Variants in NFKB1 observed in about 807,000 individuals in gnomAD.
NFKB1 encodes nuclear factor kappa B subunit 1.
A neutral mutation model predicts 105.1 loss-of-function variants in NFKB1; 9 were observed. The observed-to-expected ratio is 0.09, with a 90% CI of 0.05 to 0.15. The LOEUF (loss-of-function observed/expected upper bound fraction) is 0.15. Among genes scored for constraint, NFKB1 ranks in the 10% least tolerant of loss-of-function variants. The pLI is 1.00. For missense variants in NFKB1, 830 were observed against 1,203.7 expected (o/e 0.69, Z 4.59); for synonymous variants, 440 against 442.2 (o/e 1.00, Z 0.06).
At chr4:102,513,899 C>T (rs922398117) in intron 1 of NFKB1, among the ~76,000 whole-genome samples, 4 of 152,092 alleles carry the variant, frequency 2.6e-5, no homozygotes, top group East Asian at 1.9e-4. Flanking sequence ...CTGGGCCGGG[C>T]GCGGTGGCTC....
At chr4:102,512,336 GTTGTT>G (rs927898889) in intron 1 of NFKB1, among the ~76,000 whole-genome samples, 5 of 152,188 alleles carry the variant, frequency 3.3e-5, no homozygotes, top group Middle Eastern at 3.4e-3. Flanking sequence ...CTGTATGTGT[GTTGTT>G]TTGTTTTGTT....
At chr4:102,542,005 G>C (rs1742027259) in intron 5 of NFKB1, among the ~76,000 whole-genome samples, 1 of 152,054 alleles carries the variant, frequency 6.6e-6, no homozygotes, top group South Asian at 2.1e-4. Flanking sequence ...AAAGATTTGG[G>C]GCCTGGCTGT....
intron 10 of NFKB1, among the ~76,000 whole-genome samples, chr4:102,583,789 T>TG (rs759455206): frequency 0.41 from 62,956 of 152,038 alleles, 13,225 homozygotes; most frequent in Admixed American, 0.48. Context: ...TATTCTCCTA[T>TG]TTACAAGTAA....
intron 9 of NFKB1, 22 bp from the exon 10 acceptor site, chr4:102,582,844 A>G (rs1470102784): frequency 2.0e-6 from 3 of 1,515,738 alleles, no homozygotes; most frequent in Non-Finnish European, 2.7e-6. Context: ...GAAATTACAC[A>G]CTTCAATGTG....
At chr4:102,593,625 CTTTTCTTTGG>C in intron 12 of NFKB1, 57 bp downstream of exon 12, 1 of 1,533,022 alleles carries the variant, frequency 6.5e-7, no homozygotes, top group Non-Finnish European at 8.8e-7. Context: ...GTAGAATTTT[CTTTTCTTTGG>C]TTTCTGAGCA....
rs1728298870 is a variant in NFKB1, at chr4:102,610,518, C to CA, written c.2228-56dup. On this transcript the variant is annotated intron_variant, in intron 19 of 23. Transcript: ENST00000226574. ...CCTTTGGGAATCTGACCTTTGCAGG[C>CA]AGTTGGAAGTTGACAAGATCTGGGT... 10 of 1,576,898 alleles carry CA rather than the reference C, an allele frequency of 6.3e-6. No individual in the cohort carries two copies. The Admixed American group carries it at 1.5e-4, about 24-fold the overall frequency.
intron 11 of NFKB1, among the ~76,000 whole-genome samples, chr4:102,586,795 G>C (rs1725745490): frequency 6.6e-6 from 1 of 152,214 alleles, no homozygotes; most frequent in Non-Finnish European, 1.5e-5. Context: ...GGGGCACCCA[G>C]ATCCTTGCTG....
intron 5 of NFKB1, among the ~76,000 whole-genome samples, chr4:102,550,753 A>T (rs1157695509): frequency 6.6e-6 from 1 of 152,204 alleles, no homozygotes; most frequent in Non-Finnish European, 1.5e-5. Context: ...ATTCAGTCAG[A>T]GTAATGTGTA....
chr4:102,591,663 GA>G (rs922351057), intron 11 of NFKB1, among the ~76,000 whole-genome samples: 3 of 149,624 alleles, frequency 2.0e-5, no homozygotes, highest in African/African-American at 4.9e-5. Context: ...TGAGAAAAAA[GA>G]AAAAAAAAGG....
chr4:102,583,609 C>T (rs1725481840), intron 10 of NFKB1, among the ~76,000 whole-genome samples: 1 of 152,094 alleles, frequency 6.6e-6, no homozygotes, highest in African/African-American at 2.4e-5. Flanking sequence ...TATGATAACA[C>T]CTTAAAAGGG....
At chr4:102,596,096 C>T in intron 13 of NFKB1, 42 bp from the exon 14 acceptor site, 9 of 1,381,436 alleles carry the variant, frequency 6.5e-6, no homozygotes, top group Non-Finnish European at 8.9e-6. Context: ...TCACTAAATA[C>T]ATTTTACTGA....
chr4:102,578,559 A>T, intron 7 of NFKB1: 1 of 403,912 alleles, frequency 2.5e-6, no homozygotes. Context: ...ATTCCATTCC[A>T]TCACATCCTG....
intron 1 of NFKB1, among the ~76,000 whole-genome samples, chr4:102,522,771 T>C (rs1740653005): frequency 6.6e-6 from 1 of 152,190 alleles, no homozygotes. Flanking sequence ...GACAGAAAGC[T>C]TAAGGGCAAA....
intron 1 of NFKB1, among the ~76,000 whole-genome samples, chr4:102,507,472 A>AT (rs1385069143): frequency 1.3e-5 from 2 of 150,254 alleles, no homozygotes; most frequent in South Asian, 2.1e-4. Context: ...TTTATTTTTT[A>AT]TTTTTTTTCA....
chr4:102,563,949 G>T (rs1175907883), intron 5 of NFKB1, among the ~76,000 whole-genome samples: 2 of 150,980 alleles, frequency 1.3e-5, no homozygotes, highest in African/African-American at 4.9e-5. Flanking sequence ...CTGCCGAATA[G>T]CTGGGATTAC....
chr4:102,597,756 A>G, intron 15 of NFKB1, 95 bp downstream of exon 15: 1 of 1,385,504 alleles, frequency 7.2e-7, no homozygotes, highest in South Asian at 1.5e-5. Context: ...ATAATTGTTC[A>G]AATATATTGA....
At chr4:102,530,951 G>A (rs1364342603) in intron 3 of NFKB1, among the ~76,000 whole-genome samples, 1 of 152,126 alleles carries the variant, frequency 6.6e-6, no homozygotes, top group Non-Finnish European at 1.5e-5. Context: ...CTGAGATCTT[G>A]TGAAGTGCTG....
chr4:102,577,698 T>A (rs556792045), intron 7 of NFKB1: 1 of 329,164 alleles, frequency 3.0e-6, no homozygotes, highest in South Asian at 1.2e-4. Context: ...TTCCACTAAA[T>A]ATACTCCATC....
intron 8 of NFKB1, among the ~76,000 whole-genome samples, chr4:102,580,210 T>C (rs1349474429): frequency 1.3e-5 from 2 of 152,212 alleles, no homozygotes; most frequent in Non-Finnish European, 2.9e-5. Context: ...TTGACCTCAT[T>C]GAAAGCCCAG....
Sources: allele counts gnomAD v4.1 joint callset (sites outside exome capture counted in the v4.1 genomes callset), GRCh38; gene constraint gnomAD v4.1.1; transcripts MANE v1.5; gene names NCBI Gene and HGNC (gene_info 2026-07-23, HGNC 2026-07-21).